The following ANTXR1 variants were observed in gnomAD, a reference collection of about 807,000 sequenced individuals.
The protein encoded by ANTXR1 is ANTXR cell adhesion molecule 1.
ANTXR1 carries 19 observed loss-of-function variants against 78.1 expected under a neutral mutation model. That is an observed-to-expected ratio of 0.24 (90% CI 0.17 to 0.36). The LOEUF is 0.36. Ranked by LOEUF, ANTXR1 falls within the 10% of genes least tolerant of loss-of-function variation. The probability of loss-of-function intolerance (pLI) is 1.00; values close to 1 mark genes in which losing one functional copy is unlikely to be tolerated. For missense variants in ANTXR1, 518 were observed against 718.6 expected, an observed-to-expected ratio of 0.72 and a Z score of 3.19; for synonymous variants, 273 against 260.5, an observed-to-expected ratio of 1.05 and a Z score of -0.46.
chr2:69,028,444 CTGA>C (rs1254213091), intron 1 of ANTXR1, among the ~76,000 whole-genome samples: 2 of 151,890 alleles, frequency 1.3e-5, no homozygotes, highest in African/African-American at 4.8e-5. Context: ...TGAAGAAATT[CTGA>C]TGGATTTATG....
At chr2:69,055,252 G>A (rs1670035677) in intron 3 of ANTXR1, among the ~76,000 whole-genome samples, 1 of 152,146 alleles carries the variant, frequency 6.6e-6, no homozygotes, top group African/African-American at 2.4e-5. Context: ...CATCCTTCTT[G>A]AAGTTTTAAC....
intron 16 of ANTXR1, among the ~76,000 whole-genome samples, chr2:69,184,093 C>A (rs1334096101): frequency 6.6e-6 from 1 of 152,062 alleles, no homozygotes; most frequent in African/African-American, 2.4e-5. Context: ...AGCCTTACCC[C>A]CCTTCCAATA....
At chr2:69,155,496 A>G (rs944181100) in intron 13 of ANTXR1, among the ~76,000 whole-genome samples, 1 of 152,222 alleles carries the variant, frequency 6.6e-6, no homozygotes, top group Non-Finnish European at 1.5e-5. Context: ...AAGTCACGCC[A>G]TGCCCACTCC....
chr2:69,126,168 G>A (rs1344919919), intron 12 of ANTXR1, among the ~76,000 whole-genome samples: 2 of 152,204 alleles, frequency 1.3e-5, no homozygotes, highest in Middle Eastern at 3.2e-3. Flanking sequence ...CCTCATGATG[G>A]ACAACAGTCT....
chr2:69,167,529 A>G (rs1421430608), intron 13 of ANTXR1, among the ~76,000 whole-genome samples: 1 of 152,150 alleles, frequency 6.6e-6, no homozygotes, highest in East Asian at 1.9e-4. Context: ...AGCCTATCCA[A>G]CTTTACTGCT....
intron 3 of ANTXR1, among the ~76,000 whole-genome samples, chr2:69,053,431 C>A (rs950204833): frequency 6.6e-6 from 1 of 152,134 alleles, no homozygotes; most frequent in Non-Finnish European, 1.5e-5. Context: ...ACTTCCCCGC[C>A]ATCCCTCATG....
intron 9 of ANTXR1, among the ~76,000 whole-genome samples, chr2:69,101,181 G>T (rs1671605032): frequency 6.6e-6 from 1 of 152,036 alleles, no homozygotes; most frequent in Non-Finnish European, 1.5e-5. Context: ...TCAGTTTCTT[G>T]CTTCACATCC....
intron 17 of ANTXR1, among the ~76,000 whole-genome samples, chr2:69,230,695 A>G (rs1017577555): frequency 2.0e-5 from 3 of 152,214 alleles, no homozygotes; most frequent in Non-Finnish European, 2.9e-5. Flanking sequence ...CTCAGCTTAC[A>G]CAAGTAAGCA....
intron 3 of ANTXR1, among the ~76,000 whole-genome samples, chr2:69,061,499 A>G (rs72895488): frequency 0.014 from 2,049 of 143,918 alleles, 46 homozygotes; most frequent in African/African-American, 0.054. Context: ...AACAAAAAAC[A>G]ACTGCCAAAA....
intron 3 of ANTXR1, among the ~76,000 whole-genome samples, chr2:69,065,515 A>C (rs1184678904): frequency 6.6e-6 from 1 of 152,152 alleles, no homozygotes; most frequent in Non-Finnish European, 1.5e-5. Context: ...TACAGATCCT[A>C]CAAATGTTAA....
At chr2:69,075,726 C>A in intron 7 of ANTXR1, 68 bp downstream of exon 7, 1 of 1,389,440 alleles carries the variant, frequency 7.2e-7, no homozygotes, top group South Asian at 1.2e-5. Flanking sequence ...CATGTTCAGT[C>A]AGTGCAGAGG....
chr2:69,219,322 G>C (rs1010921494), intron 17 of ANTXR1, among the ~76,000 whole-genome samples: 6 of 148,808 alleles, frequency 4.0e-5, no homozygotes, highest in Admixed American at 2.7e-4. Context: ...AAGGAGAAAG[G>C]TTAATCCCTC....
Position 69,145,505 on chromosome 2 carries a change from G to A in ANTXR1, c.952-6664G>A, listed in dbSNP as rs1172843464. On this transcript the variant is annotated intron_variant, in intron 12 of 17. Coordinates refer to ENST00000303714, the MANE Select transcript of ANTXR1 (RefSeq NM_032208.3). ...AGGGCAGAGACAGGCCTGGAGTTAC[G>A]CACACTGAGTGCCCCAACATGGAAA... 8.9e-6 allele frequency: 13 copies of A among 1,461,376 alleles called. No individual in the cohort carries two copies. The Admixed American group carries it at 1.2e-4, about 14-fold the overall frequency. The allele number at this position is 1,461,376 out of a possible 1,614,324, so 90.5% of individuals were successfully genotyped here. A position where few individuals can be genotyped will look rare whatever the true frequency, so the allele number is the denominator to read the frequency against.
At chr2:69,217,817 A>T (rs569049334) in intron 17 of ANTXR1, among the ~76,000 whole-genome samples, 35 of 152,284 alleles carry the variant, frequency 2.3e-4, no homozygotes, top group Admixed American at 1.1e-3. Flanking sequence ...TATATGGAAA[A>T]GATCCTCTTC....
chr2:69,151,239 T>G (rs2104428568), intron 12 of ANTXR1, among the ~76,000 whole-genome samples: 1 of 139,320 alleles, frequency 7.2e-6, no homozygotes, highest in Non-Finnish European at 1.5e-5. Flanking sequence ...TCGCCCAGGC[T>G]GGAGTGCAGT....
intron 13 of ANTXR1, among the ~76,000 whole-genome samples, chr2:69,163,685 G>T (rs192874378): frequency 6.6e-6 from 1 of 152,158 alleles, no homozygotes; most frequent in Admixed American, 6.5e-5. Flanking sequence ...AAAAGAACAC[G>T]CATTCAGGAG....
Position 69,044,833 on chromosome 2 carries a change from CTGT to C in ANTXR1, c.296+25_296+27del. ...AGACAGGTAAGGATACTTCTTATCT[CTGT>C]TGTTAAAAAGTCCATCACTTCCTGA... On this transcript the variant is annotated intron_variant, in intron 3 of 17. Coordinates refer to ENST00000303714, the MANE Select transcript of ANTXR1 (RefSeq NM_032208.3). 6.2e-7 allele frequency: 1 copy of C among 1,611,794 alleles called. No homozygotes were observed. The highest frequency in any genetic ancestry group is 8.5e-7 in the Non-Finnish European group (1 of 1,178,040).
chr2:69,207,728 C>A (rs780509730), intron 17 of ANTXR1, among the ~76,000 whole-genome samples: 1 of 152,196 alleles, frequency 6.6e-6, no homozygotes, highest in Non-Finnish European at 1.5e-5. Flanking sequence ...CAACACCCCC[C>A]ACACCCCACC....
At chr2:69,213,892 T>C (rs1041378557) in intron 17 of ANTXR1, among the ~76,000 whole-genome samples, 1 of 152,250 alleles carries the variant, frequency 6.6e-6, no homozygotes, top group African/African-American at 2.4e-5. Context: ...CATGCCCCCA[T>C]TGCCAGCAGC....
Sources: allele counts gnomAD v4.1 joint callset (sites outside exome capture counted in the v4.1 genomes callset), GRCh38; gene constraint gnomAD v4.1.1; transcripts MANE v1.5; gene names NCBI Gene and HGNC (gene_info 2026-07-23, HGNC 2026-07-21).